The following SCN9A variants were observed in gnomAD, a reference collection of about 807,000 sequenced individuals.
SCN9A encodes sodium voltage-gated channel alpha subunit 9, also known as sodium channel protein type 9 subunit alpha.
SCN9A carries 131 observed loss-of-function variants against 187.0 expected under a neutral mutation model. The ratio of observed to expected loss-of-function variants is 0.70; its 90% CI spans 0.61 to 0.81. The LOEUF (loss-of-function observed/expected upper bound fraction) is 0.81, where lower values mean the gene tolerates loss of function less well. Among genes scored for constraint, SCN9A ranks in the 30% least tolerant of loss-of-function variants. The pLI, the probability that SCN9A is intolerant of heterozygous loss-of-function variation, is 0.00. For synonymous variants in SCN9A, 809 were observed against 808.6 expected (o/e 1.00, Z -0.01); for missense variants, 2,252 against 2,396.6 (o/e 0.94, Z 1.26).
chr2:166,290,110 C>T (rs1045633797), intron 9 of SCN9A, among the ~76,000 whole-genome samples: 3 of 151,988 alleles, frequency 2.0e-5, no homozygotes, highest in Admixed American at 2.0e-4. Context: ...TGTTCCCCTC[C>T]CTGTGTCCAT....
intron 19 of SCN9A, 42 bp from the exon 20 acceptor site, chr2:166,238,309 G>T (rs556670948): frequency 1.7e-5 from 21 of 1,260,472 alleles, no homozygotes; most frequent in Non-Finnish European, 2.1e-5. Flanking sequence ...CACAACTTAA[G>T]CTTCATGATT....
chr2:166,364,888 TA>T (rs1450225101), intron 1 of SCN9A, among the ~76,000 whole-genome samples: 3 of 152,150 alleles, frequency 2.0e-5, no homozygotes, highest in African/African-American at 7.2e-5. Context: ...TTGAGATCCG[TA>T]AGGCAGAAAG....
intron 9 of SCN9A, among the ~76,000 whole-genome samples, chr2:166,289,339 C>T (rs117533048): frequency 0.015 from 2,293 of 151,806 alleles, 107 homozygotes; most frequent in Admixed American, 0.096. Flanking sequence ...CTCCCTTTGC[C>T]CCCCACCACC....
intron 1 of SCN9A, among the ~76,000 whole-genome samples, chr2:166,349,008 A>C (rs1386482136): frequency 6.6e-6 from 1 of 150,532 alleles, no homozygotes. Context: ...CGTGCTTATA[A>C]TCCCGGCTCC....
intron 9 of SCN9A, among the ~76,000 whole-genome samples, chr2:166,288,981 TC>T (rs1559015542): frequency 6.6e-6 from 1 of 152,108 alleles, no homozygotes; most frequent in Non-Finnish European, 1.5e-5. Flanking sequence ...ATATCCATAG[TC>T]CCTTTTACTG....
At chr2:166,259,668 A>G (rs1341769818) in intron 17 of SCN9A, among the ~76,000 whole-genome samples, 1 of 151,838 alleles carries the variant, frequency 6.6e-6, no homozygotes. Context: ...CAGCTTTAAA[A>G]AGCATATTCT....
chr2:166,290,568 A>C (rs989898212), intron 9 of SCN9A, among the ~76,000 whole-genome samples: 1 of 152,068 alleles, frequency 6.6e-6, no homozygotes, highest in Non-Finnish European at 1.5e-5. Flanking sequence ...TCATAGCCTC[A>C]CCAGAATCTA....
chr2:166,332,909 T>G (rs183403867), intron 1 of SCN9A, among the ~76,000 whole-genome samples: 25 of 151,770 alleles, frequency 1.6e-4, no homozygotes, highest in African/African-American at 5.3e-4. Context: ...AAAACAAACT[T>G]TCAATACTCT....
rs58925228 is a variant in SCN9A at position 166,298,233 on chromosome 2, C to T, written c.902-3571G>A. Among the ~76,000 whole-genome samples the T allele has an allele frequency of 5.2e-3, 796 of 152,090 alleles. 8 individuals carry two copies. The highest frequency in any genetic ancestry group is 0.018 in the African/African-American group (759 of 41,460). ...CTGTTAGTAGTGAAGGCCAATATTG[C>T]GGTTTTTTCAAAACTTTCTCTATTA... On this transcript the variant is annotated intron_variant, in intron 7 of 26. Transcript: ENST00000642356.
Position 166,332,999 on chromosome 2 carries a change from G to T in SCN9A, c.-50-21193C>A, listed in dbSNP as rs187638933. ...AATATTTTTGTCCTCAAGAAAATAT[G>T]GCAAATCCAAGAATATATTTATTTT... On this transcript the variant is annotated intron_variant, in intron 1 of 26. Coordinates refer to ENST00000642356, the MANE Select transcript of SCN9A (RefSeq NM_001365536.1). Among the ~76,000 whole-genome samples the T allele has an allele frequency of 2.3e-3, 339 of 150,466 alleles. 1 individual carries two copies. Among genetic ancestry groups the T allele is most frequent in the African/African-American group, 8.0e-3 (328 of 41,202 alleles).
chr2:166,231,505 G>C (rs1322466673), intron 21 of SCN9A, among the ~76,000 whole-genome samples: 1 of 149,786 alleles, frequency 6.7e-6, no homozygotes, highest in Non-Finnish European at 1.5e-5. Flanking sequence ...CCCCATCCTG[G>C]AGTTTCTGAC....
intron 20 of SCN9A, among the ~76,000 whole-genome samples, chr2:166,237,130 A>C (rs1360340062): frequency 6.6e-6 from 1 of 151,904 alleles, no homozygotes; most frequent in Non-Finnish European, 1.5e-5. Context: ...TTGAGGTTAT[A>C]AAATAATGTA....
chr2:166,219,945 A>T (rs377458439), intron 24 of SCN9A, among the ~76,000 whole-genome samples: 1 of 152,184 alleles, frequency 6.6e-6, no homozygotes, highest in South Asian at 2.1e-4. Context: ...TTGTCAATTA[A>T]AAATGAACAA....
rs1010527864 is a variant in SCN9A at position 166,197,107 on chromosome 2, A to G, written c.*1565T>C. 2 of 152,080 alleles carry G rather than the reference A, an allele frequency of 1.3e-5. No homozygotes were observed. The highest frequency in any genetic ancestry group is 2.9e-5 in the Non-Finnish European group (2 of 67,960). The allele number at this position is 152,080 out of a possible 1,614,324, so 9.4% of individuals were successfully genotyped here. On this transcript the variant is annotated 3_prime_UTR_variant, in exon 27 of 27. Transcript: ENST00000642356. ...AAAGCAAATTAGTGAAAGTTGTTTT[A>G]TATATTTGCTTCAAAACCTCCCACA... is the stretch of plus-strand genomic sequence containing the variant.
chr2:166,219,667 T>C (rs1382965149), intron 24 of SCN9A, among the ~76,000 whole-genome samples: 2 of 152,110 alleles, frequency 1.3e-5, no homozygotes, highest in Non-Finnish European at 2.9e-5. Context: ...AACAAACCCC[T>C]ATGACATGTT....
chr2:166,245,078 T>C (rs902898277), intron 18 of SCN9A, among the ~76,000 whole-genome samples: 1 of 152,060 alleles, frequency 6.6e-6, no homozygotes, highest in African/African-American at 2.4e-5. Flanking sequence ...ACATATAGCT[T>C]CTTCATTTCT....
chr2:166,291,127 C>T (rs1422223488), intron 9 of SCN9A, among the ~76,000 whole-genome samples: 2 of 151,962 alleles, frequency 1.3e-5, no homozygotes. Context: ...AATAGGAAGA[C>T]CGGAAGTCAA....
chr2:166,364,161 TA>T (rs58184464), intron 1 of SCN9A, among the ~76,000 whole-genome samples: 132 of 145,328 alleles, frequency 9.1e-4, no homozygotes, highest in Admixed American at 1.4e-3. Context: ...GGTTATTGTT[TA>T]AAAAAAAAAA....
At chr2:166,261,770 GT>G (rs1291393636) in intron 17 of SCN9A, among the ~76,000 whole-genome samples, 1 of 151,900 alleles carries the variant, frequency 6.6e-6, no homozygotes, top group African/African-American at 2.4e-5. Context: ...TATTCAAATA[GT>G]TAAGATCTTA....
Sources: gnomAD v4.1 joint callset for allele counts (sites outside exome capture counted in the v4.1 genomes callset) on GRCh38, gnomAD v4.1.1 for gene constraint, MANE v1.5 for transcripts, NCBI Gene and HGNC (gene_info 2026-07-23, HGNC 2026-07-21) for gene names.